The following RARB variants were observed in gnomAD, a reference collection of about 807,000 sequenced individuals.
RARB encodes the protein retinoic acid receptor beta, also known as HBV-activated protein.
A neutral mutation model predicts 51.9 loss-of-function variants in RARB; 17 were observed. The observed-to-expected ratio is 0.33, with a 90% CI of 0.22 to 0.49. The LOEUF (loss-of-function observed/expected upper bound fraction) is 0.49. Among genes scored for constraint, RARB ranks in the 20% least tolerant of loss-of-function variants. The pLI is 0.99. For missense variants in RARB, 369 were observed against 550.8 expected, an observed-to-expected ratio of 0.67 and a Z score of 3.30; for synonymous variants, 215 against 195.4, an observed-to-expected ratio of 1.10 and a Z score of -0.84.
At chr3:25,266,357 T>C (rs1005495989) in intron 5 of RARB, among the ~76,000 whole-genome samples, 3 of 152,158 alleles carry the variant, frequency 2.0e-5, no homozygotes, top group Non-Finnish European at 4.4e-5. Context: ...CTTTCTAATG[T>C]TTTTCTGTCC....
chr3:25,358,768 T>G (rs1057036356), intron 5 of RARB, among the ~76,000 whole-genome samples: 2 of 152,342 alleles, frequency 1.3e-5, no homozygotes, highest in East Asian at 3.9e-4. Context: ...TCTGTTTATG[T>G]GATGGATTAC....
At chr3:25,334,031 G>A (rs1704984862) in intron 5 of RARB, among the ~76,000 whole-genome samples, 1 of 152,186 alleles carries the variant, frequency 6.6e-6, no homozygotes, top group Non-Finnish European at 1.5e-5. Context: ...GGGAACAACA[G>A]GTGCTGGAGA....
intron 3 of RARB, among the ~76,000 whole-genome samples, chr3:25,062,782 T>C (rs1698576728): frequency 6.6e-6 from 1 of 151,788 alleles, no homozygotes; most frequent in East Asian, 1.9e-4. Flanking sequence ...AGATGGGGAG[T>C]TACTGCTAAT....
At chr3:25,036,883 T>C (rs1447049986) in intron 2 of RARB, among the ~76,000 whole-genome samples, 1 of 152,204 alleles carries the variant, frequency 6.6e-6, no homozygotes, top group East Asian at 1.9e-4. Flanking sequence ...TCTTCTGTTT[T>C]ACAGAATTGA....
chr3:25,210,529 C>CTTTTTTTTTTGTTTTTTT (rs1701667611), intron 5 of RARB, among the ~76,000 whole-genome samples: 1 of 27,618 alleles, frequency 3.6e-5, no homozygotes, highest in Non-Finnish European at 8.7e-5. Context: ...TTATCTGATT[C>CTTTTTTTTTTGTTTTTTT]TTTTTTTTTT....
chr3:25,176,317 C>G (rs575663343), intron 5 of RARB, among the ~76,000 whole-genome samples: 4 of 36,272 alleles, frequency 1.1e-4, no homozygotes, highest in Admixed American at 3.8e-4. Flanking sequence ...TTCTTTCTTT[C>G]TTTCTTTCTT....
intron 5 of RARB, among the ~76,000 whole-genome samples, chr3:25,586,367 T>C (rs1255671241): frequency 2.0e-5 from 3 of 152,116 alleles, no homozygotes; most frequent in Admixed American, 6.5e-5. Context: ...GTTGTCTCAG[T>C]GAGAGTAGGA....
intron 1 of RARB, among the ~76,000 whole-genome samples, chr3:25,450,947 G>A (rs898828168): frequency 2.6e-5 from 4 of 152,268 alleles, no homozygotes; most frequent in African/African-American, 9.6e-5. Flanking sequence ...ATAGCCGGGC[G>A]TGGTGGCGCA....
intron 2 of RARB, among the ~76,000 whole-genome samples, chr3:25,029,943 A>G (rs1184006820): frequency 6.6e-6 from 1 of 152,214 alleles, no homozygotes; most frequent in Non-Finnish European, 1.5e-5. Context: ...AGACAGGGCC[A>G]CTGAATTTGG....
In RARB at chr3:25,480,516, A is replaced by G. The variant is rs79406521; in HGVS notation, c.306+19175A>G. On this transcript the variant is annotated intron_variant, in intron 2 of 7. Coordinates refer to ENST00000330688, the MANE Select transcript of RARB (RefSeq NM_000965.5). The stretch of plus-strand genomic sequence containing the variant: ...ATGGTAGCTAAGGTAACTAACTCCC[A>G]TCTTTAACATTATCTGATTCACTAG... Among the ~76,000 whole-genome samples the G allele has an allele frequency of 1.2e-3, 183 of 152,294 alleles. 4 individuals carry two copies. In the East Asian group the frequency reaches 0.027, roughly 23 times the overall value.
chr3:25,287,122 A>T (rs796814391), intron 5 of RARB, among the ~76,000 whole-genome samples: 14 of 152,362 alleles, frequency 9.2e-5, no homozygotes, highest in African/African-American at 3.4e-4. Context: ...CATTCTAGTG[A>T]TACAGGTTTT....
At chr3:24,885,326 A>G (rs768567375) in intron 2 of RARB, among the ~76,000 whole-genome samples, 10 of 152,132 alleles carry the variant, frequency 6.6e-5, no homozygotes, top group Non-Finnish European at 1.0e-4. Flanking sequence ...CAGTTTGTCA[A>G]TGGAATTGCT....
At chr3:25,301,485 T>C (rs1233764660) in intron 5 of RARB, among the ~76,000 whole-genome samples, 1 of 152,242 alleles carries the variant, frequency 6.6e-6, no homozygotes, top group East Asian at 1.9e-4. Context: ...TAAGGTCCTG[T>C]ATGTTCCTCC....
chr3:25,500,625 C>T (rs992507275), intron 2 of RARB, among the ~76,000 whole-genome samples: 4 of 151,592 alleles, frequency 2.6e-5, no homozygotes, highest in African/African-American at 4.8e-5. Flanking sequence ...ATTACAGGCA[C>T]GCACAACTGT....
At chr3:25,490,576 T>A (rs1352456154) in intron 2 of RARB, among the ~76,000 whole-genome samples, 1 of 152,154 alleles carries the variant, frequency 6.6e-6, no homozygotes, top group African/African-American at 2.4e-5. Flanking sequence ...TACCTTTTTC[T>A]CCCCCGCTTC....
chr3:25,101,744 G>A (rs765407870), intron 3 of RARB, among the ~76,000 whole-genome samples: 267 of 151,358 alleles, frequency 1.8e-3, no homozygotes, highest in Middle Eastern at 3.4e-3. Context: ...GGATCAAAAT[G>A]TGTTTACTTT....
chr3:25,213,417 G>A (rs1701746137), intron 5 of RARB, among the ~76,000 whole-genome samples: 2 of 151,554 alleles, frequency 1.3e-5, no homozygotes, highest in South Asian at 2.1e-4. Context: ...TTCACTTCCC[G>A]GTGGTATTCC....
chr3:24,909,625 A>G (rs546312481), intron 2 of RARB, among the ~76,000 whole-genome samples: 1 of 148,560 alleles, frequency 6.7e-6, no homozygotes, highest in South Asian at 2.1e-4. Flanking sequence ...TAAACCTTCC[A>G]TTAAGCTATC....
chr3:25,012,520 A>G (rs4241544), intron 2 of RARB, among the ~76,000 whole-genome samples: 103,183 of 151,916 alleles, frequency 0.68, 35,223 homozygotes, highest in East Asian at 0.78. Flanking sequence ...TCTGGATGTT[A>G]GAAACCTGAA....
Sources: allele counts gnomAD v4.1 joint callset (sites outside exome capture counted in the v4.1 genomes callset), GRCh38; gene constraint gnomAD v4.1.1; transcripts MANE v1.5; gene names NCBI Gene and HGNC (gene_info 2026-07-23, HGNC 2026-07-21).